Variants in KHDRBS2 observed in about 807,000 individuals in gnomAD.
KHDRBS2 encodes KH domain-containing, RNA-binding, signal transduction-associated protein 2.
In KHDRBS2, 26 loss-of-function variants were observed where a neutral mutation model predicts 44.3. That is an observed-to-expected ratio of 0.59 (90% confidence interval 0.43 to 0.81). The LOEUF is 0.81. Among genes scored for constraint, KHDRBS2 ranks in the 40% least tolerant of loss-of-function variants. KHDRBS2 has a pLI of 0.00. For synonymous variants in KHDRBS2, 194 were observed against 151.1 expected (o/e 1.28, Z -2.08); for missense variants, 476 against 433.1 (o/e 1.10, Z -0.88).
intron 6 of KHDRBS2, among the ~76,000 whole-genome samples, chr6:61,830,501 G>C (rs183433374): frequency 6.6e-6 from 1 of 152,332 alleles, no homozygotes; most frequent in East Asian, 1.9e-4. Context: ...GATAAAGAGA[G>C]ATGAATGTTG....
At chr6:62,153,354 G>A (rs1815638837) in intron 2 of KHDRBS2, among the ~76,000 whole-genome samples, 1 of 152,048 alleles carries the variant, frequency 6.6e-6, no homozygotes, top group African/African-American at 2.4e-5. Context: ...AAAAAAAAAT[G>A]AGTACAGAAT....
the KHDRBS2 span, among the ~76,000 whole-genome samples, chr6:61,545,435 A>C: frequency 6.6e-6 from 1 of 151,696 alleles, no homozygotes; most frequent in Non-Finnish European, 1.5e-5. Flanking sequence ...ATAAAATTTT[A>C]GGTCATTGTG....
At chr6:61,664,799 G>C in the KHDRBS2 span, among the ~76,000 whole-genome samples, 2 of 151,590 alleles carry the variant, frequency 1.3e-5, no homozygotes, top group Non-Finnish European at 3.0e-5. Flanking sequence ...CTTAAACACT[G>C]TTTCACTGAA....
At chr6:62,281,921 A>G (rs1377918294) in intron 1 of KHDRBS2, among the ~76,000 whole-genome samples, 2 of 152,290 alleles carry the variant, frequency 1.3e-5, no homozygotes, top group South Asian at 4.1e-4. Flanking sequence ...AAGATCAAAG[A>G]TAACTTGAAT....
At chr6:62,276,380 G>A (rs1048118039) in intron 1 of KHDRBS2, among the ~76,000 whole-genome samples, 3 of 152,172 alleles carry the variant, frequency 2.0e-5, no homozygotes, top group Non-Finnish European at 4.4e-5. Context: ...CCAAGAGAGG[G>A]CCTACAGTTG....
At chr6:62,034,653 A>G (rs1204139545) in intron 3 of KHDRBS2, among the ~76,000 whole-genome samples, 2 of 150,278 alleles carry the variant, frequency 1.3e-5, no homozygotes, top group Non-Finnish European at 3.0e-5. Context: ...TCAACATAAT[A>G]TAAGCCATGA....
chr6:61,677,643 C>T (rs1397990929), downstream of KHDRBS2, among the ~76,000 whole-genome samples: 1 of 151,876 alleles, frequency 6.6e-6, no homozygotes, highest in Non-Finnish European at 1.5e-5. Flanking sequence ...GCTTCTTCTT[C>T]CTTTTCCTTA....
chr6:61,848,602 T>A (rs1322740309), intron 6 of KHDRBS2, among the ~76,000 whole-genome samples: 8 of 127,424 alleles, frequency 6.3e-5, no homozygotes, highest in East Asian at 4.3e-4. Context: ...TACTTTTTTT[T>A]AACTCGATTC....
At chr6:61,957,125 C>T (rs1465098266) in intron 4 of KHDRBS2, among the ~76,000 whole-genome samples, 1 of 152,182 alleles carries the variant, frequency 6.6e-6, no homozygotes, top group Non-Finnish European at 1.5e-5. Context: ...ACACTTATCA[C>T]TTCCCCAATC....
At chr6:62,201,223 T>C (rs994184709) in intron 1 of KHDRBS2, among the ~76,000 whole-genome samples, 2 of 151,648 alleles carry the variant, frequency 1.3e-5, no homozygotes, top group African/African-American at 4.9e-5. Context: ...ACCCTAAAAC[T>C]TCAAGTATTA....
At chr6:62,078,564 A>G (rs1796791775) in intron 2 of KHDRBS2, among the ~76,000 whole-genome samples, 1 of 151,936 alleles carries the variant, frequency 6.6e-6, no homozygotes, top group Non-Finnish European at 1.5e-5. Context: ...AAATATTTTA[A>G]TTTATAATTT....
At position 61,975,310 on chromosome 6, in the gene KHDRBS2, C is replaced by T. The variant is rs1772348984; in HGVS notation, c.483+2756G>A. Among the ~76,000 whole-genome samples, 5 of 152,068 alleles carry T rather than the reference C, an allele frequency of 3.3e-5. No individual in the cohort carries two copies. In the South Asian group the frequency reaches 1.0e-3, roughly 31 times the overall value. ...TTCCAGAGTCTTGCCCTATATAAGC[C>T]TTCTTTGTTGTTCTAGCATGTCTCT... is the stretch of plus-strand genomic sequence containing the variant. On this transcript the variant is annotated intron_variant, in intron 4 of 8. Transcript: ENST00000281156.
chr6:62,141,170 G>A (rs570616115), intron 2 of KHDRBS2, among the ~76,000 whole-genome samples: 13 of 152,200 alleles, frequency 8.5e-5, no homozygotes, highest in African/African-American at 3.1e-4. Flanking sequence ...ATGACTAATG[G>A]CAGTGTAAAA....
At chr6:62,198,883 T>C (rs1281903979) in intron 1 of KHDRBS2, among the ~76,000 whole-genome samples, 1 of 152,066 alleles carries the variant, frequency 6.6e-6, no homozygotes, top group Non-Finnish European at 1.5e-5. Context: ...AAAAAGCTTA[T>C]CCACCATGAT....
chr6:61,950,867 G>A (rs1022725684), intron 4 of KHDRBS2, among the ~76,000 whole-genome samples: 1 of 152,030 alleles, frequency 6.6e-6, no homozygotes, highest in Non-Finnish European at 1.5e-5. Context: ...GATGTTTACA[G>A]TAAATGAGAA....
At chr6:61,924,069 T>C (rs1808528853) in intron 4 of KHDRBS2, among the ~76,000 whole-genome samples, 1 of 152,066 alleles carries the variant, frequency 6.6e-6, no homozygotes, top group Non-Finnish European at 1.5e-5. Flanking sequence ...TTACATAAAT[T>C]AGATATAATC....
chr6:61,589,723 AT>A, the KHDRBS2 span, among the ~76,000 whole-genome samples: 2 of 152,202 alleles, frequency 1.3e-5, no homozygotes, highest in Non-Finnish European at 2.9e-5. Flanking sequence ...TGCCCCAAGT[AT>A]TTGGTAATAG....
At chr6:61,554,224 T>C in the KHDRBS2 span, among the ~76,000 whole-genome samples, 5 of 152,334 alleles carry the variant, frequency 3.3e-5, no homozygotes, top group South Asian at 1.0e-3. Context: ...GGTCTTCTTG[T>C]TGAATTGAGC....
intron 3 of KHDRBS2, among the ~76,000 whole-genome samples, chr6:62,034,796 A>G (rs1317592256): frequency 1.3e-5 from 2 of 151,864 alleles, no homozygotes; most frequent in African/African-American, 4.8e-5. Flanking sequence ...AGGAAAAAAA[A>G]TCTAATAATC....
Sources: allele counts gnomAD v4.1 joint callset (sites outside exome capture counted in the v4.1 genomes callset), GRCh38; gene constraint gnomAD v4.1.1; transcripts MANE v1.5; gene names NCBI Gene and HGNC (gene_info 2026-07-23, HGNC 2026-07-21).